Variants in ERICH3 observed in about 807,000 individuals in gnomAD.
ERICH3 encodes the protein glutamate rich 3.
Under a neutral mutation model 131.1 loss-of-function variants are expected in ERICH3, and 126 were observed. The observed-to-expected ratio is 0.96, with a 90% confidence interval of 0.83 to 1.11. The LOEUF (loss-of-function observed/expected upper bound fraction) is 1.11, where lower values mean the gene tolerates loss of function less well. Among genes scored for constraint, ERICH3 ranks in the 50% most tolerant of loss-of-function variants. ERICH3 has a pLI of 0.00. For synonymous variants in ERICH3, 695 were observed against 644.6 expected (o/e 1.08, Z -1.18); for missense variants, 2,050 against 1,810.7 (o/e 1.13, Z -2.40).
chr1:74,576,791 C>T (rs1186046296), intron 13 of ERICH3, 104 bp downstream of exon 13: 4 of 994,504 alleles, frequency 4.0e-6, no homozygotes, highest in Non-Finnish European at 6.0e-6. Flanking sequence ...TCAATAAATA[C>T]TAGAAAGCCT....
chr1:74,574,479 A>G lies in ERICH3; in HGVS notation c.2219-988T>C, dbSNP rs1412085183. Reference sequence around the variant, plus strand: ...AGTAAAAAGTCTTACCTTGAGCTACATAGGTAAGTCTTACCTTGAGCTACA... The same window carrying G: ...AGTAAAAAGTCTTACCTTGAGCTACGTAGGTAAGTCTTACCTTGAGCTACA... On this transcript the variant is annotated intron_variant, in intron 13 of 14. Coordinates refer to ENST00000326665, the MANE Select transcript of ERICH3 (RefSeq NM_001002912.5). 2.6e-5 allele frequency among the ~76,000 whole-genome samples: 4 copies of G among 152,164 alleles called. No individual in the cohort carries two copies. In the East Asian group the frequency reaches 7.7e-4, roughly 29 times the overall value.
chr1:74,653,190 A>G (rs763921179), intron 1 of ERICH3, among the ~76,000 whole-genome samples: 2 of 152,184 alleles, frequency 1.3e-5, no homozygotes, highest in Admixed American at 6.5e-5. Context: ...ACCATATAAA[A>G]ATCCCAGCTA....
At chr1:74,618,079 C>A (rs767459793) in intron 8 of ERICH3, among the ~76,000 whole-genome samples, 1 of 152,084 alleles carries the variant, frequency 6.6e-6, no homozygotes, top group African/African-American at 2.4e-5. Context: ...AGGAAGATCA[C>A]TTTACCCTAG....
chr1:74,611,706 T>C (rs2100595884), intron 9 of ERICH3, among the ~76,000 whole-genome samples: 1 of 152,292 alleles, frequency 6.6e-6, no homozygotes, highest in Non-Finnish European at 1.5e-5. Context: ...GTATATGCTT[T>C]TCCTCTATCT....
intron 10 of ERICH3, among the ~76,000 whole-genome samples, chr1:74,604,180 C>T (rs1230760089): frequency 6.6e-6 from 1 of 151,866 alleles, no homozygotes; most frequent in Non-Finnish European, 1.5e-5. Flanking sequence ...AAACTTCTTT[C>T]TCTGTTCATC....
intron 1 of ERICH3, among the ~76,000 whole-genome samples, chr1:74,657,714 G>C (rs993024917): frequency 6.6e-6 from 1 of 152,156 alleles, no homozygotes; most frequent in Non-Finnish European, 1.5e-5. Context: ...CAGTTTTGCA[G>C]TGTTCACAGA....
rs1648714593 is a variant in ERICH3 at position 74,611,917 on chromosome 1, G to A, written c.1187+706C>T. ...CATATATTAATTGCTTTGTAGGTAC[G>A]TTATTAGCTTTTCCTCCATTAGAAT... On this transcript the variant is annotated intron_variant, in intron 9 of 14. Coordinates refer to ENST00000326665, the MANE Select transcript of ERICH3 (RefSeq NM_001002912.5). Among the ~76,000 whole-genome samples the A allele has an allele frequency of 3.3e-5, 5 of 152,096 alleles. No individual in the cohort carries two copies. In the South Asian group the frequency reaches 1.0e-3, roughly 32 times the overall value.
In ERICH3 at chr1:74,599,699, T is replaced by C. The variant is rs1648029669; in HGVS notation, c.1722A>G (p.Lys574=). 6.2e-7 allele frequency: 1 copy of C among 1,606,464 alleles called. No homozygotes were observed. The highest frequency in any genetic ancestry group is 2.2e-5 in the East Asian group (1 of 44,790). The change falls in exon 11 of 15, where the codon AAA becomes AAG. Residue 574 remains lysine (K), a synonymous_variant. Coordinates refer to ENST00000326665, the MANE Select transcript of ERICH3 (RefSeq NM_001002912.5). ...GCSESELEED[K]QDMKTASSTS... Reference sequence around the variant, plus strand: ...ATGATAAGCTGAACAACTCGCCTTGTTTATCCTCTTCCAGTTCACTCTCAG... The same window carrying C: ...ATGATAAGCTGAACAACTCGCCTTGCTTATCCTCTTCCAGTTCACTCTCAG...
chr1:74,589,376 C>A, intron 12 of ERICH3: 2 of 546,310 alleles, frequency 3.7e-6, no homozygotes, highest in Admixed American at 3.3e-5. Flanking sequence ...GATGGAATTC[C>A]CATAGGAGGG....
intron 12 of ERICH3, among the ~76,000 whole-genome samples, chr1:74,581,136 T>C: frequency 6.6e-6 from 1 of 152,180 alleles, no homozygotes; most frequent in South Asian, 2.1e-4. Context: ...AAACTATTAT[T>C]GTTAGGATTT....
chr1:74,664,061 T>C (rs1646666722), intron 1 of ERICH3, among the ~76,000 whole-genome samples: 1 of 152,156 alleles, frequency 6.6e-6, no homozygotes, highest in Non-Finnish European at 1.5e-5. Flanking sequence ...GGAAAGTATC[T>C]GTATGGTACT....
chr1:74,578,935 GA>G (rs1254155576), intron 12 of ERICH3, among the ~76,000 whole-genome samples: 1 of 152,000 alleles, frequency 6.6e-6, no homozygotes, highest in Non-Finnish European at 1.5e-5. Context: ...AAACAGAAAT[GA>G]AAAAGGGGAA....
At chr1:74,660,846 G>A (rs1646635195) in intron 1 of ERICH3, among the ~76,000 whole-genome samples, 1 of 151,832 alleles carries the variant, frequency 6.6e-6, no homozygotes, top group Non-Finnish European at 1.5e-5. Context: ...TGTGATGCAA[G>A]TCATAGGGTC....
chr1:74,586,033 A>G (rs1570823395), intron 12 of ERICH3, among the ~76,000 whole-genome samples: 2 of 152,050 alleles, frequency 1.3e-5, no homozygotes, highest in South Asian at 2.1e-4. Context: ...CTTATGCTTT[A>G]TATTCCCTGA....
intron 7 of ERICH3, among the ~76,000 whole-genome samples, chr1:74,628,886 T>C (rs895421737): frequency 2.6e-5 from 4 of 152,028 alleles, no homozygotes; most frequent in African/African-American, 2.4e-5. Flanking sequence ...AAAGACAAAT[T>C]GACAAATCCA....
chr1:74,591,687 T>G (rs1014133025), intron 11 of ERICH3, among the ~76,000 whole-genome samples: 1 of 152,160 alleles, frequency 6.6e-6, no homozygotes, highest in Non-Finnish European at 1.5e-5. Flanking sequence ...TTTTAACAAT[T>G]TCCAGTAAAG....
chr1:74,654,869 T>C (rs1250058304), intron 1 of ERICH3, among the ~76,000 whole-genome samples: 2 of 152,134 alleles, frequency 1.3e-5, no homozygotes, highest in African/African-American at 2.4e-5. Flanking sequence ...TAACGAATCA[T>C]AGTGAAGAGC....
In ERICH3 at chr1:74,646,785, C is replaced by A. The variant is rs370760033; in HGVS notation, c.125G>T (p.Arg42Ile). Reference protein sequence around the residue: ...RHLLRSGLITRSGRILSEKEY... With the variant: ...RHLLRSGLITISGRILSEKEY... Reference sequence around the variant, plus strand: ...TTTTTCAGAAAGTATTCTTCCACTTCTTGTGATCTGTCATGAATAAATAAA... The same window carrying A: ...TTTTTCAGAAAGTATTCTTCCACTTATTGTGATCTGTCATGAATAAATAAA... The change falls in exon 3 of 15, where the codon AGA becomes ATA. Residue 42 changes from arginine to isoleucine, a missense_variant. Coordinates refer to ENST00000326665, the MANE Select transcript of ERICH3 (RefSeq NM_001002912.5). 9 of 1,466,874 alleles carry A rather than the reference C, an allele frequency of 6.1e-6. No individual in the cohort carries two copies. The East Asian group carries it at 7.4e-5, about 12-fold the overall frequency. 90.9% of individuals were successfully genotyped at this position (1,466,874 alleles called of 1,614,324 possible).
intron 1 of ERICH3, among the ~76,000 whole-genome samples, chr1:74,661,728 T>C (rs1646643372): frequency 6.6e-6 from 1 of 152,146 alleles, no homozygotes; most frequent in South Asian, 2.1e-4. Context: ...ATAGGTGCCA[T>C]TCACTGAGTA....
Sources: gnomAD v4.1 joint callset for allele counts (sites outside exome capture counted in the v4.1 genomes callset) on GRCh38, gnomAD v4.1.1 for gene constraint, MANE v1.5 for transcripts, NCBI Gene and HGNC (gene_info 2026-07-23, HGNC 2026-07-21) for gene names.